NRG3: variants seen among roughly 807,000 people sequenced by gnomAD.
NRG3 encodes neuregulin 3.
In NRG3, 31 loss-of-function variants were observed where a neutral mutation model predicts 66.9. That is an observed-to-expected ratio of 0.46 (90% confidence interval 0.35 to 0.63). The LOEUF (loss-of-function observed/expected upper bound fraction) is 0.63, where lower values mean the gene tolerates loss of function less well. NRG3 is among the 20% of genes least tolerant of loss of function. NRG3 has a pLI of 0.00. For missense variants in NRG3, 910 were observed against 878.9 expected (o/e 1.04, Z -0.45); for synonymous variants, 393 against 359.4 (o/e 1.09, Z -1.06).
At chr10:81,957,116 T>A (rs1289721948) in intron 1 of NRG3, among the ~76,000 whole-genome samples, 72 of 152,122 alleles carry the variant, frequency 4.7e-4, no homozygotes, top group Non-Finnish European at 1.0e-4. Context: ...CCTCACTCTC[T>A]GGATGCCAAG....
chr10:81,970,490 G>A (rs751292678), intron 1 of NRG3, among the ~76,000 whole-genome samples: 3 of 152,174 alleles, frequency 2.0e-5, no homozygotes, highest in Non-Finnish European at 2.9e-5. Context: ...AAGGTAGTTT[G>A]CAGTGTAATT....
chr10:82,295,555 G>T (rs10787027), intron 1 of NRG3, among the ~76,000 whole-genome samples: 70,346 of 151,836 alleles, frequency 0.46, 19,335 homozygotes, highest in African/African-American at 0.77. Context: ...CTTCCATACC[G>T]CTGGAGCTGG....
At chr10:82,720,182 G>T (rs563545502) in intron 2 of NRG3, among the ~76,000 whole-genome samples, 8 of 152,114 alleles carry the variant, frequency 5.3e-5, no homozygotes, top group Non-Finnish European at 1.0e-4. Context: ...CTGAGGTCAG[G>T]GGTTCAAGAC....
intron 1 of NRG3, among the ~76,000 whole-genome samples, chr10:82,142,544 G>C (rs1038962056): frequency 6.6e-6 from 1 of 152,092 alleles, no homozygotes; most frequent in Non-Finnish European, 1.5e-5. Context: ...AGCTTAGAGT[G>C]GGGTATCGAG....
chr10:82,144,704 C>G (rs1025929015), intron 1 of NRG3, among the ~76,000 whole-genome samples: 1 of 152,180 alleles, frequency 6.6e-6, no homozygotes, highest in African/African-American at 2.4e-5. Context: ...GGAAAACAAA[C>G]TTTGACTTGG....
chr10:82,694,075 C>T (rs868328850), intron 2 of NRG3, among the ~76,000 whole-genome samples: 1 of 152,206 alleles, frequency 6.6e-6, no homozygotes, highest in Middle Eastern at 3.4e-3. Flanking sequence ...ATTTAGAATC[C>T]TTTAGCTGGA....
chr10:82,749,662 C>T (rs1298709106), intron 3 of NRG3, among the ~76,000 whole-genome samples: 1 of 152,106 alleles, frequency 6.6e-6, no homozygotes, highest in Non-Finnish European at 1.5e-5. Flanking sequence ...TCCCCCTCCA[C>T]ATCCCATATT....
At chr10:82,362,851 G>A (rs1002625523) in intron 2 of NRG3, among the ~76,000 whole-genome samples, 1 of 152,072 alleles carries the variant, frequency 6.6e-6, no homozygotes, top group Non-Finnish European at 1.5e-5. Flanking sequence ...AGAATCAGAA[G>A]TGTATGTTGA....
chr10:82,797,513 G>GT (rs1017319285), intron 3 of NRG3, among the ~76,000 whole-genome samples: 6 of 151,828 alleles, frequency 4.0e-5, no homozygotes, highest in African/African-American at 1.2e-4. Context: ...GGAAAACAAT[G>GT]TTTTTTTTCT....
intron 4 of NRG3, among the ~76,000 whole-genome samples, chr10:82,902,776 C>G (rs531239432): frequency 6.6e-6 from 1 of 151,996 alleles, no homozygotes; most frequent in Admixed American, 6.6e-5. Context: ...TGAACTGTCT[C>G]GGTCCATTTA....
chr10:82,837,403 T>C (rs2062836209), intron 3 of NRG3, among the ~76,000 whole-genome samples: 1 of 152,126 alleles, frequency 6.6e-6, no homozygotes, highest in South Asian at 2.1e-4. Context: ...GTGCTAAGTT[T>C]TGAGGATTCC....
At chr10:82,826,712 TGCACATGGAC>T (rs2062227807) in intron 3 of NRG3, among the ~76,000 whole-genome samples, 1 of 152,032 alleles carries the variant, frequency 6.6e-6, no homozygotes, top group Admixed American at 6.6e-5. Context: ...AAGTACTGAG[TGCACATGGAC>T]GCAAAGATGG....
At chr10:82,930,944 C>G (rs958683955) in intron 4 of NRG3, among the ~76,000 whole-genome samples, 2 of 152,144 alleles carry the variant, frequency 1.3e-5, no homozygotes, top group African/African-American at 4.8e-5. Context: ...GAGGCCTTTC[C>G]AGGCAGAAGG....
At chr10:82,216,733 C>A (rs1346166440) in intron 1 of NRG3, among the ~76,000 whole-genome samples, 2 of 151,876 alleles carry the variant, frequency 1.3e-5, no homozygotes, top group African/African-American at 4.8e-5. Context: ...TTTTGTTAAA[C>A]TGAAAATAAT....
At chr10:82,219,770 A>G (rs1482629724) in intron 1 of NRG3, among the ~76,000 whole-genome samples, 1 of 152,154 alleles carries the variant, frequency 6.6e-6, no homozygotes, top group Non-Finnish European at 1.5e-5. Context: ...TCGTAGGTAC[A>G]CAATAGTCCA....
chr10:82,520,236 A>G (rs1846063717), intron 2 of NRG3, among the ~76,000 whole-genome samples: 1 of 150,844 alleles, frequency 6.6e-6, no homozygotes, highest in African/African-American at 2.4e-5. Context: ...TTTTCTGTCC[A>G]CATCCATTAA....
intron 2 of NRG3, among the ~76,000 whole-genome samples, chr10:82,431,350 G>T (rs2089793780): frequency 6.6e-6 from 1 of 152,126 alleles, no homozygotes; most frequent in African/African-American, 2.4e-5. Context: ...AGCTGTTACT[G>T]TTTTGAGTTT....
intron 2 of NRG3, among the ~76,000 whole-genome samples, chr10:82,392,001 A>C (rs1161658431): frequency 1.3e-5 from 2 of 148,652 alleles, no homozygotes; most frequent in East Asian, 2.0e-4. Context: ...TGCAAAAAAA[A>C]AAAAAAAAAC....
At chr10:82,449,639 C>T (rs995731623) in intron 2 of NRG3, among the ~76,000 whole-genome samples, 2 of 152,108 alleles carry the variant, frequency 1.3e-5, no homozygotes, top group Admixed American at 6.5e-5. Flanking sequence ...ACTTAAATGC[C>T]CCCAAGAGAC....
Sources: gnomAD v4.1 joint callset for allele counts (sites outside exome capture counted in the v4.1 genomes callset) on GRCh38, gnomAD v4.1.1 for gene constraint, MANE v1.5 for transcripts, NCBI Gene and HGNC (gene_info 2026-07-23, HGNC 2026-07-21) for gene names.